IPO7: variants seen among roughly 807,000 people sequenced by gnomAD.
The protein encoded by IPO7 is importin-7.
IPO7 carries 13 observed loss-of-function variants against 136.4 expected under a neutral mutation model. The ratio of observed to expected loss-of-function variants is 0.10; its 90% CI spans 0.06 to 0.15. The LOEUF is 0.15. IPO7 is among the 10% of genes least tolerant of loss of function. The probability of loss-of-function intolerance (pLI) is 1.00; values close to 1 mark genes in which losing one functional copy is unlikely to be tolerated. For missense variants in IPO7, 857 were observed against 1,240.6 expected, an observed-to-expected ratio of 0.69 and a Z score of 4.65; for synonymous variants, 403 against 404.4, an observed-to-expected ratio of 1.00 and a Z score of 0.04.
intron 21 of IPO7, 47 bp downstream of exon 21, chr11:9,438,021 C>CTT: frequency 6.9e-7 from 1 of 1,456,356 alleles, no homozygotes. Context: ...GGGAGGAACT[C>CTT]TGCTTATTTA....
chr11:9,386,879 A>G (rs10840228), intron 1 of IPO7, among the ~76,000 whole-genome samples: 87,318 of 152,090 alleles, frequency 0.57, 27,818 homozygotes, highest in Non-Finnish European at 0.73. Flanking sequence ...GTAATCCTTA[A>G]CTATTTACAT....
chr11:9,399,583 G>A (rs1045694215), intron 1 of IPO7, among the ~76,000 whole-genome samples: 2 of 152,186 alleles, frequency 1.3e-5, no homozygotes, highest in Non-Finnish European at 2.9e-5. Flanking sequence ...GAGAAATGGT[G>A]CAGGGAAGTA....
At chr11:9,441,717 C>T (rs1855461985) in intron 23 of IPO7, among the ~76,000 whole-genome samples, 1 of 152,166 alleles carries the variant, frequency 6.6e-6, no homozygotes, top group African/African-American at 2.4e-5. Flanking sequence ...CCACAGTAGC[C>T]TTGATGATTT....
chr11:9,441,030 C>T (rs1855453968), intron 23 of IPO7, among the ~76,000 whole-genome samples: 1 of 152,092 alleles, frequency 6.6e-6, no homozygotes, highest in African/African-American at 2.4e-5. Flanking sequence ...TTTTCCTGCC[C>T]AAACCTATAC....
intron 1 of IPO7, among the ~76,000 whole-genome samples, chr11:9,389,186 G>C (rs1854593848): frequency 6.6e-6 from 1 of 151,932 alleles, no homozygotes; most frequent in Non-Finnish European, 1.5e-5. Flanking sequence ...TTGAGTAACT[G>C]AGACTACAGG....
chr11:9,412,095 A>G (rs1854975283), intron 4 of IPO7, among the ~76,000 whole-genome samples: 1 of 152,238 alleles, frequency 6.6e-6, no homozygotes, highest in African/African-American at 2.4e-5. Flanking sequence ...ACTCAAAGGT[A>G]TAGATAACCT....
At chr11:9,434,476 A>G (rs1325194188) in intron 18 of IPO7, among the ~76,000 whole-genome samples, 1 of 152,182 alleles carries the variant, frequency 6.6e-6, no homozygotes, top group Non-Finnish European at 1.5e-5. Flanking sequence ...TCATTTCTGC[A>G]TTTAATTATA....
intron 12 of IPO7, among the ~76,000 whole-genome samples, chr11:9,425,920 C>T (rs1350689160): frequency 5.3e-5 from 8 of 151,510 alleles, no homozygotes; most frequent in Non-Finnish European, 1.0e-4. Context: ...GTGGTGGGCA[C>T]CTGTAATCCC....
intron 12 of IPO7, among the ~76,000 whole-genome samples, chr11:9,426,378 T>C (rs1298123951): frequency 1.3e-5 from 2 of 152,236 alleles, no homozygotes; most frequent in Admixed American, 6.5e-5. Context: ...TGCCAAATTA[T>C]ATTTCATTAT....
At chr11:9,412,065 T>A (rs773648023) in intron 4 of IPO7, among the ~76,000 whole-genome samples, 1 of 152,222 alleles carries the variant, frequency 6.6e-6, no homozygotes, top group Non-Finnish European at 1.5e-5. Context: ...GGCTTTCTTT[T>A]GTGAATTGTT....
rs776625073 is a variant in IPO7, at chr11:9,429,042, A to T, written c.1437A>T (p.Val479=). 15 of 1,613,678 alleles carry T rather than the reference A, an allele frequency of 9.3e-6. No homozygotes were observed. The highest frequency in any genetic ancestry group is 1.3e-5 in the Non-Finnish European group (15 of 1,179,692). ...LGYMRARACW[V]LHYFCEVKFK... Reference sequence around the variant, plus strand: ...TGTTTTTACAAAAGGCTTGCTGGGTACTTCACTATTTTTGTGAAGTGAAGT... The same window carrying T: ...TGTTTTTACAAAAGGCTTGCTGGGTTCTTCACTATTTTTGTGAAGTGAAGT... Residue 479 remains valine, a synonymous_variant, in exon 14 of 25, where the codon GTA becomes GTT. Transcript: ENST00000379719.
At chr11:9,441,710 C>T (rs563308516) in intron 23 of IPO7, among the ~76,000 whole-genome samples, 1 of 152,328 alleles carries the variant, frequency 6.6e-6, no homozygotes, top group South Asian at 2.1e-4. Context: ...CCATGTACCA[C>T]AGTAGCCTTG....
In IPO7 at chr11:9,408,507, T is replaced by C. The variant is rs753786174; in HGVS notation, c.188T>C (p.Met63Thr). The change falls in exon 3 of 25, where the codon ATG becomes ACG. Residue 63 changes from methionine to threonine, a missense_variant. Around this residue, in one of 11 missense-constraint regions of IPO7, gnomAD observed 287 missense variants for 307.5 expected, o/e 0.93. Transcript: ENST00000379719. ...RQAGVIYLKNMITQYWPDRET... is the reference protein window; with the variant it reads ...RQAGVIYLKNTITQYWPDRET... ...TTAGGTGTTATCTATCTGAAAAATA[T>C]GATAACACAGTATTGGCCTGATCGA... The C allele has an allele frequency of 1.3e-6, 2 of 1,572,870 alleles. No homozygotes were observed. The highest frequency in any genetic ancestry group is 1.7e-6 in the Non-Finnish European group (2 of 1,163,964).
At chr11:9,434,686 G>A (rs556816847) in intron 18 of IPO7, among the ~76,000 whole-genome samples, 27 of 152,214 alleles carry the variant, frequency 1.8e-4, no homozygotes, top group African/African-American at 5.5e-4. Flanking sequence ...CCAGCTACCT[G>A]GGTGGCTGAG....
rs1854581616 is a variant in IPO7 at position 9,388,380 on chromosome 11, T to A, written c.84+3533T>A. On this transcript the variant is annotated intron_variant, in intron 1 of 24. Coordinates refer to ENST00000379719, the MANE Select transcript of IPO7 (RefSeq NM_006391.3). ...TTAGCAGAGATGGGGTTTTACCATG[T>A]TGGCCAGGCTGGTCTCCAACTCCTG... Among the ~76,000 whole-genome samples the A allele has an allele frequency of 3.3e-5, 5 of 151,902 alleles. No individual in the cohort carries two copies. The South Asian group carries it at 1.0e-3, about 32-fold the overall frequency.
Position 9,428,128 on chromosome 11 carries a change from A to T in IPO7, c.1336-412A>T, listed in dbSNP as rs183166899. Among the ~76,000 whole-genome samples the T allele has an allele frequency of 2.0e-5, 3 of 152,288 alleles. No individual in the cohort carries two copies. In the East Asian group the frequency reaches 5.8e-4, roughly 29 times the overall value. On this transcript the variant is annotated intron_variant, in intron 12 of 24. Coordinates refer to ENST00000379719, the MANE Select transcript of IPO7 (RefSeq NM_006391.3). ...CAGCAAGACTCCGTCTCAAAAAAAAAGAAAAAAAAAAGAGTGTGCCTTTTT... is the reference window on the plus strand; with the variant it reads ...CAGCAAGACTCCGTCTCAAAAAAAATGAAAAAAAAAAGAGTGTGCCTTTTT...
At position 9,437,552 on chromosome 11, in the gene IPO7, C is replaced by T. The variant is rs904112889; in HGVS notation, c.2269-202C>T. ...TACAGGCGTGAGCCACCACTCCCGGCCCGTCGTGAGCTTTTAATAGCTCCA... is the reference window on the plus strand; with the variant it reads ...TACAGGCGTGAGCCACCACTCCCGGTCCGTCGTGAGCTTTTAATAGCTCCA... On this transcript the variant is annotated intron_variant, in intron 20 of 24. Transcript: ENST00000379719. Among the ~76,000 whole-genome samples the T allele has an allele frequency of 2.6e-5, 4 of 152,216 alleles. No individual in the cohort carries two copies. In the South Asian group the frequency reaches 8.3e-4, roughly 31 times the overall value.
chr11:9,398,868 GTTTC>G (rs1854752998), intron 1 of IPO7, among the ~76,000 whole-genome samples: 1 of 152,116 alleles, frequency 6.6e-6, no homozygotes, highest in Non-Finnish European at 1.5e-5. Context: ...TGTTAAATAT[GTTTC>G]TTTCTTGTTG....
intron 4 of IPO7, among the ~76,000 whole-genome samples, chr11:9,413,115 T>C (rs1481968224): frequency 6.6e-6 from 1 of 152,098 alleles, no homozygotes; most frequent in Non-Finnish European, 1.5e-5. Flanking sequence ...CCTGACCTCG[T>C]GATCCTCCCG....
Sources: allele counts gnomAD v4.1 joint callset (sites outside exome capture counted in the v4.1 genomes callset), GRCh38; gene constraint gnomAD v4.1.1; regional missense constraint gnomAD v4.1.1; transcripts MANE v1.5; gene names NCBI Gene and HGNC (gene_info 2026-07-23, HGNC 2026-07-21).